The following MPP2 variants were observed in gnomAD, a reference collection of about 807,000 sequenced individuals.
MPP2 encodes MAGUK p55 scaffold protein 2, also known as MAGUK p55 subfamily member 2.
Under a neutral mutation model 58.5 loss-of-function variants are expected in MPP2, and 42 were observed. The observed-to-expected ratio is 0.72, with a 90% CI of 0.56 to 0.93. The LOEUF (loss-of-function observed/expected upper bound fraction) is 0.93. Ranked by LOEUF, MPP2 falls within the 40% of genes least tolerant of loss-of-function variation. The pLI, the probability that MPP2 is intolerant of heterozygous loss-of-function variation, is 0.00. For synonymous variants in MPP2, 300 were observed against 307.8 expected (o/e 0.97, Z 0.26); for missense variants, 632 against 760.4 (o/e 0.83, Z 1.99).
At chr17:43,884,988 G>C (rs1329189382) in intron 3 of MPP2, among the ~76,000 whole-genome samples, 1 of 152,004 alleles carries the variant, frequency 6.6e-6, no homozygotes, top group African/African-American at 2.4e-5. Flanking sequence ...CTAGCATAGT[G>C]GTGGGCGCCT....
intron 3 of MPP2, among the ~76,000 whole-genome samples, chr17:43,894,619 A>AG (rs914126624): frequency 7.0e-6 from 1 of 143,308 alleles, no homozygotes; most frequent in African/African-American, 2.5e-5. Context: ...TCCAGAGGAA[A>AG]AAAAAAAAAA....
At chr17:43,878,120 GC>G (rs1727873105) in intron 12 of MPP2, 137 bp from the exon 13 acceptor site, 1 of 842,634 alleles carries the variant, frequency 1.2e-6, no homozygotes, top group Non-Finnish European at 1.8e-6. Flanking sequence ...GGAGGCAGGG[GC>G]CCCTCTCTGC....
intron 2 of MPP2, among the ~76,000 whole-genome samples, chr17:43,899,233 C>G (rs2047983487): frequency 6.9e-6 from 1 of 144,300 alleles, no homozygotes; most frequent in Admixed American, 7.2e-5. Flanking sequence ...GGCGACAGAG[C>G]AAGACTCCGT....
intron 2 of MPP2, chr17:43,900,448 C>A: frequency 6.5e-7 from 1 of 1,546,378 alleles, no homozygotes; most frequent in Non-Finnish European, 8.7e-7. Flanking sequence ...TGCCCCGCCC[C>A]CATCTGGCCC....
At chr17:43,878,474 G>A (rs1956184032) in intron 12 of MPP2, among the ~76,000 whole-genome samples, 3 of 152,168 alleles carry the variant, frequency 2.0e-5, no homozygotes, top group Admixed American at 2.0e-4. Flanking sequence ...AGCTGGATGG[G>A]CAGGGGTGAG....
chr17:43,877,635 G>T lies in MPP2; in HGVS notation c.*172C>A. 1 of 654,808 alleles carries T rather than the reference G, an allele frequency of 1.5e-6. No homozygotes were observed. The highest frequency in any genetic ancestry group is 2.7e-6 in the Non-Finnish European group (1 of 369,040). The allele number at this position is 654,808 out of a possible 1,614,324, so 40.6% of individuals were successfully genotyped here. On this transcript the variant is annotated 3_prime_UTR_variant, in exon 13 of 13. Transcript: ENST00000269095. ...GTACCCCATGAATGCCCACCTCCCT[G>T]GCAGTGCACGCCTCTGTGCTGAAGC...
Position 43,907,487 on chromosome 17 carries a change from A to C in MPP2, c.-47T>G, listed in dbSNP as rs2048338083. On this transcript the variant is annotated 5_prime_UTR_variant, in exon 1 of 13. Transcript: ENST00000269095. ...GGGGACGCCTACCTGCGCCCCGGGA[A>C]GCCCCTAGCTCCGGGCGGCTCCAGC... 24 of 985,516 alleles carry C rather than the reference A, an allele frequency of 2.4e-5. No individual in the cohort carries two copies. The highest frequency in any genetic ancestry group is 2.9e-5 in the Non-Finnish European group (24 of 829,980). 61.0% of individuals were successfully genotyped at this position (985,516 alleles called of 1,614,324 possible).
upstream of MPP2, chr17:43,909,698 A>AGAG: frequency 1.3e-5 from 13 of 992,354 alleles, no homozygotes; most frequent in Non-Finnish European, 1.2e-5. Context: ...CTCTCTAATA[A>AGAG]AGGCCTTGCA....
intron 3 of MPP2, among the ~76,000 whole-genome samples, chr17:43,884,663 A>C (rs1567884853): frequency 6.6e-6 from 1 of 152,156 alleles, no homozygotes; most frequent in African/African-American, 2.4e-5. Context: ...TCTTTCCCAT[A>C]CTTTGAGACT....
intron 3 of MPP2, chr17:43,884,231 A>G (rs768293256): frequency 1.6e-6 from 1 of 641,162 alleles, no homozygotes. Flanking sequence ...TCTTGTCCCA[A>G]AAGTATCCTT....
upstream of MPP2, chr17:43,907,600 G>T (rs2048343992): frequency 1.0e-6 from 1 of 985,562 alleles, no homozygotes; most frequent in East Asian, 1.1e-4. Flanking sequence ...GCGGAGGTCC[G>T]GAGGAGAGGG....
chr17:43,880,935 G>T lies in MPP2; in HGVS notation c.989-83C>A. The T allele has an allele frequency of 6.5e-7, 1 of 1,548,024 alleles. No individual in the cohort carries two copies. The highest frequency in any genetic ancestry group is 8.8e-7 in the Non-Finnish European group (1 of 1,139,216). On this transcript the variant is annotated intron_variant, in intron 9 of 12. Coordinates refer to ENST00000269095, the MANE Select transcript of MPP2 (RefSeq NM_005374.5). This position sits in a 1 kb window ranked among gnomAD's most constrained non-coding sequence, Gnocchi z 5.2. ...TCTCAGGGAGGCTGAGGGCAAGAGG[G>T]CTTGGAACAGGGGAGCAGGGGGGAG...
intron 3 of MPP2, among the ~76,000 whole-genome samples, chr17:43,895,233 C>T (rs2047796722): frequency 6.6e-6 from 1 of 152,010 alleles, no homozygotes; most frequent in Admixed American, 6.6e-5. Context: ...CCTGCCTCAG[C>T]CTCTTGAGTA....
rs778057041 is a variant in MPP2, at chr17:43,879,433, A to G, written c.1354-30T>C. The G allele has an allele frequency of 1.2e-5, 20 of 1,612,786 alleles. No homozygotes were observed. In the South Asian group the frequency reaches 2.1e-4, roughly 17 times the overall value. On this transcript the variant is annotated intron_variant, in intron 11 of 12. Transcript: ENST00000269095. The surrounding 1 kb of genome is among the most constrained non-coding windows in gnomAD (Gnocchi z 4.1). ...AGAAGGAGAAGGCAAGGTAGGGAGT[A>G]TATCCCCATGTCTGTCCTAGGAACC...
chr17:43,893,540 GATCCGTGGCCT>G (rs2047693421), intron 3 of MPP2, among the ~76,000 whole-genome samples: 1 of 152,198 alleles, frequency 6.6e-6, no homozygotes, highest in Non-Finnish European at 1.5e-5. Context: ...GACCAGTACT[GATCCGTGGCCT>G]GTTAGGAAGT....
Position 43,882,991 on chromosome 17 carries a change from G to C in MPP2, c.365C>G (p.Pro122Arg). The C allele has an allele frequency of 1.2e-6, 2 of 1,614,056 alleles. No homozygotes were observed. Among genetic ancestry groups the C allele is most frequent in the Non-Finnish European group, 1.7e-6 (2 of 1,179,938 alleles). The change falls in exon 5 of 13, where the codon CCT (proline) becomes CGT (arginine). Residue 122 changes from proline to arginine, a missense_variant. Physicochemically the swap from Pro to Arg is moderately radical, Grantham distance 103. Coordinates refer to ENST00000269095, the MANE Select transcript of MPP2 (RefSeq NM_005374.5). Reference sequence around the variant, plus strand: ...GTTGCTGAATGTAGGGTCCAGGCCAGGGCTGGGGGGTGGTGTCTCATAGGT... The same window carrying C: ...GTTGCTGAATGTAGGGTCCAGGCCACGGCTGGGGGGTGGTGTCTCATAGGT... The part of the protein sequence containing the change: ...SKTYETPPPS[P>R]GLDPTFSNQP...
chr17:43,887,881 TATATACACAA>T, intron 3 of MPP2, among the ~76,000 whole-genome samples: 1 of 152,246 alleles, frequency 6.6e-6, no homozygotes, highest in East Asian at 1.9e-4. Context: ...CCCAGGAGTT[TATATACACAA>T]TGAAACACTT....
At chr17:43,885,840 G>A (rs1359479913) in intron 3 of MPP2, among the ~76,000 whole-genome samples, 1 of 152,182 alleles carries the variant, frequency 6.6e-6, no homozygotes, top group African/African-American at 2.4e-5. Context: ...GCCAGGCGCA[G>A]TGGCTCATGC....
intron 3 of MPP2, among the ~76,000 whole-genome samples, chr17:43,886,784 A>T (rs1391867511): frequency 6.6e-6 from 1 of 152,190 alleles, no homozygotes; most frequent in Non-Finnish European, 1.5e-5. Flanking sequence ...ATGATCTCTC[A>T]TTGGGGCTTA....
Sources: gnomAD v4.1 joint callset for allele counts (sites outside exome capture counted in the v4.1 genomes callset) on GRCh38, gnomAD v4.1.1 for gene constraint, Gnocchi (gnomAD v3.1) non-coding constraint, MANE v1.5 for transcripts, NCBI Gene and HGNC (gene_info 2026-07-23, HGNC 2026-07-21) for gene names.